The following AHDC1 variants were observed in gnomAD, a reference collection of about 807,000 sequenced individuals.
AHDC1 encodes AT-hook DNA binding motif containing 1.
AHDC1 carries 7 observed loss-of-function variants against 87.9 expected under a neutral mutation model. The observed-to-expected ratio is 0.08, with a 90% CI of 0.05 to 0.15. AHDC1 has a LOEUF of 0.15. Ranked by LOEUF, AHDC1 falls within the 10% of genes least tolerant of loss-of-function variation. AHDC1 has a pLI of 1.00. For synonymous variants in AHDC1, 1,051 were observed against 1,006.8 expected (o/e 1.04, Z -0.83); for missense variants, 1,841 against 2,253.2 (o/e 0.82, Z 3.70).
intron 8 of AHDC1, among the ~76,000 whole-genome samples, chr1:27,541,689 G>C (rs2018929017): frequency 6.6e-6 from 1 of 151,344 alleles, no homozygotes; most frequent in African/African-American, 2.4e-5. Flanking sequence ...GAGTGCAGTG[G>C]TGTGATCTTG....
intron 8 of AHDC1, among the ~76,000 whole-genome samples, chr1:27,545,771 T>C (rs575693808): frequency 2.6e-5 from 4 of 152,050 alleles, no homozygotes; most frequent in Non-Finnish European, 4.4e-5. Flanking sequence ...TTTGCTTCAT[T>C]GTCTCTGCCA....
chr1:27,588,914 G>C (rs1235250601), intron 3 of AHDC1, among the ~76,000 whole-genome samples: 1 of 152,076 alleles, frequency 6.6e-6, no homozygotes, highest in African/African-American at 2.4e-5. Flanking sequence ...GATTGAGAAA[G>C]ACAAGAGGGA....
In AHDC1 at chr1:27,551,206, C is replaced by T; in HGVS notation, c.910G>A (p.Ala304Thr). The T allele has an allele frequency of 6.2e-7, 1 of 1,610,152 alleles. No individual in the cohort carries two copies. Among genetic ancestry groups the T allele is most frequent in the Non-Finnish European group, 8.5e-7 (1 of 1,179,588 alleles). The change falls in exon 8 of 9, where the codon GCT becomes ACT. Residue 304 changes from alanine to threonine, a missense_variant. Physicochemically the swap from Ala to Thr is moderately conservative, Grantham distance 58. Transcript: ENST00000673934. Reference protein sequence around the residue: ...ALELPPLQPLADPLGLPGLAL... With the variant: ...ALELPPLQPLTDPLGLPGLAL... The stretch of plus-strand genomic sequence containing the variant: ...AGGCCCGGCAGCCCCAGAGGATCAG[C>T]AAGAGGTTGCAGGGGTGGCAGCTCC...
intron 3 of AHDC1, among the ~76,000 whole-genome samples, chr1:27,571,701 C>T (rs866693396): frequency 6.6e-6 from 1 of 152,216 alleles, no homozygotes. Flanking sequence ...TCACCCAAGC[C>T]CTGGGGCTGG....
chr1:27,567,735 T>C (rs903043971), intron 3 of AHDC1, among the ~76,000 whole-genome samples: 1 of 152,110 alleles, frequency 6.6e-6, no homozygotes, highest in African/African-American at 2.4e-5. Context: ...CCCACAATAC[T>C]CCTTGTAGCC....
intron 3 of AHDC1, among the ~76,000 whole-genome samples, chr1:27,584,832 T>C (rs563805175): frequency 2.0e-5 from 3 of 152,210 alleles, no homozygotes; most frequent in African/African-American, 7.2e-5. Flanking sequence ...CAGAGATGCC[T>C]TATCCCCCAG....
Position 27,598,034 on chromosome 1 carries a change from C to G in AHDC1, c.-629+5363G>C, listed in dbSNP as rs1031452853. Among the ~76,000 whole-genome samples the G allele has an allele frequency of 3.3e-5, 5 of 152,206 alleles. No homozygotes were observed. The highest frequency in any genetic ancestry group is 2.0e-4 in the Admixed American group (3 of 15,286). Reference sequence around the variant, plus strand: ...TCCATCTGTTTCACCACCCATCTGTCTGGCTGTCTGTGTTAGTCCTTCCAA... The same window carrying G: ...TCCATCTGTTTCACCACCCATCTGTGTGGCTGTCTGTGTTAGTCCTTCCAA... On this transcript the variant is annotated intron_variant, in intron 3 of 8. Transcript: ENST00000673934. This position sits in a 1 kb window ranked among gnomAD's most constrained non-coding sequence, Gnocchi z 4.2.
rs1224168462 is a variant in AHDC1, at chr1:27,558,107, C to T, written c.-225+198G>A. 1.3e-5 allele frequency among the ~76,000 whole-genome samples: 2 copies of T among 152,190 alleles called. No individual in the cohort carries two copies. Among genetic ancestry groups the T allele is most frequent in the Admixed American group, 6.5e-5 (1 of 15,286 alleles). ...TCAGCTCTAGGGAGCTTCCTGGAGC[C>T]GCAGGCTTCATGTGTCAGTTCAGGG... is the stretch of plus-strand genomic sequence containing the variant. On this transcript the variant is annotated intron_variant, in intron 5 of 8. Coordinates refer to ENST00000673934, the MANE Select transcript of AHDC1 (RefSeq NM_001371928.1). The surrounding 1 kb of genome is among the most constrained non-coding windows in gnomAD (Gnocchi z 5.6).
chr1:27,571,445 C>T (rs916144317), intron 3 of AHDC1, among the ~76,000 whole-genome samples: 7 of 152,060 alleles, frequency 4.6e-5, no homozygotes, highest in African/African-American at 1.7e-4. Flanking sequence ...GAGGAAGAAG[C>T]CAGGGCAGGA....
intron 3 of AHDC1, among the ~76,000 whole-genome samples, chr1:27,597,622 C>A (rs888608056): frequency 1.3e-5 from 2 of 152,052 alleles, no homozygotes; most frequent in African/African-American, 4.8e-5. Context: ...TCTCCCTGAC[C>A]TCTTTAGCAG....
At chr1:27,538,447 G>C (rs1253715573) in intron 8 of AHDC1, among the ~76,000 whole-genome samples, 1 of 148,062 alleles carries the variant, frequency 6.8e-6, no homozygotes, top group Non-Finnish European at 1.5e-5. Context: ...ATTAGAATTT[G>C]AGAGGCTGAT....
chr1:27,585,150 C>A (rs558520002), intron 3 of AHDC1, among the ~76,000 whole-genome samples: 1 of 150,628 alleles, frequency 6.6e-6, no homozygotes, highest in Non-Finnish European at 1.5e-5. Context: ...GTAGTCCCAG[C>A]TACTTGAGAA....
rs1004332457 is a variant in AHDC1 at position 27,550,974 on chromosome 1, T to C, written c.1142A>G (p.Lys381Arg). The part of the protein sequence containing the change: ...HGPPGPEGHP[K>R]YALRRTDRPK... ...CCTATCAGTGCGCCGCAAGGCGTAC[T>C]TGGGGTGACCCTCAGGCCCGGGGGG... The change falls in exon 8 of 9, where the codon AAG (lysine) becomes AGG (arginine). Residue 381 changes from lysine to arginine, a missense_variant. Around this residue, in one of 13 missense-constraint regions of AHDC1, gnomAD observed 370 missense variants for 391.5 expected, o/e 0.95. Transcript: ENST00000673934. 2 of 1,593,150 alleles carry C rather than the reference T, an allele frequency of 1.3e-6. No homozygotes were observed. The highest frequency in any genetic ancestry group is 1.7e-6 in the Non-Finnish European group (2 of 1,176,060).
rs1181166131 is a variant in AHDC1 at position 27,563,960 on chromosome 1, C to G, written c.-628-5077G>C. Among the ~76,000 whole-genome samples the G allele has an allele frequency of 6.6e-6, 1 of 152,090 alleles. No homozygotes were observed. Among genetic ancestry groups the G allele is most frequent in the African/African-American group, 2.4e-5 (1 of 41,406 alleles). ...CTGAGGCGCTGTTACTATGAGACTG[C>G]TTAGAGATCAGTGGGGAGTAGGGCG... On this transcript the variant is annotated intron_variant, in intron 3 of 8. Coordinates refer to ENST00000673934, the MANE Select transcript of AHDC1 (RefSeq NM_001371928.1). The surrounding 1 kb of genome is among the most constrained non-coding windows in gnomAD (Gnocchi z 6.1).
chr1:27,596,977 G>T (rs575482275), intron 3 of AHDC1, among the ~76,000 whole-genome samples: 60 of 152,272 alleles, frequency 3.9e-4, no homozygotes, highest in African/African-American at 1.4e-3. Context: ...GCACATGCAA[G>T]CACATGTTTA....
At position 27,548,981 on chromosome 1, in the gene AHDC1, G is replaced by T. The variant is rs1571231641; in HGVS notation, c.3135C>A (p.Pro1045=). Residue 1045 remains proline (P), a synonymous_variant, in exon 8 of 9, where the codon CCC becomes CCA. Coordinates refer to ENST00000673934, the MANE Select transcript of AHDC1 (RefSeq NM_001371928.1). ...GGGGCGTGGGGGCTGAACCAGAGAA[G>T]GGGGCCCCCTCAGAGCTGCTGAAGA... ...ASFFSSSEGA[P]FSGSAPTPLR... 2 of 1,565,104 alleles carry T rather than the reference G, an allele frequency of 1.3e-6. No individual in the cohort carries two copies. Among genetic ancestry groups the T allele is most frequent in the Non-Finnish European group, 1.7e-6 (2 of 1,154,168 alleles).
At chr1:27,594,297 C>T (rs2089305583) in intron 3 of AHDC1, among the ~76,000 whole-genome samples, 1 of 152,198 alleles carries the variant, frequency 6.6e-6, no homozygotes, top group Non-Finnish European at 1.5e-5. Flanking sequence ...CCTGAAGCCC[C>T]AGGCCCCATG....
rs774528190 is a variant in AHDC1, at chr1:27,551,838, G to A, written c.278C>T (p.Ser93Leu). 1 of 1,611,434 alleles carries A rather than the reference G, an allele frequency of 6.2e-7. No homozygotes were observed. The highest frequency in any genetic ancestry group is 1.7e-5 in the Admixed American group (1 of 59,966). ...GACCGGTGTGGGGCAGCGGGCCTGT[G>A]AGACAGGACGGGCTGCCCGTGGGGG... The part of the protein sequence containing the change: ...PLPPRAARPV[S>L]QARCPTPVGD... The change falls in exon 8 of 9, where the codon TCA becomes TTA. Residue 93 changes from serine to leucine, a missense_variant. By Grantham distance (145) the Ser-to-Leu change is moderately radical. This residue lies in a region of AHDC1 where 142 missense variants were observed against 165.6 expected (regional missense o/e 0.86). Coordinates refer to ENST00000673934, the MANE Select transcript of AHDC1 (RefSeq NM_001371928.1).
chr1:27,578,588 CA>C (rs1003583245), intron 3 of AHDC1, among the ~76,000 whole-genome samples: 69 of 139,534 alleles, frequency 4.9e-4, no homozygotes, highest in Admixed American at 9.3e-4. Context: ...GACTCCCTCT[CA>C]AAAAAAAAAA....
Sources: allele counts gnomAD v4.1 joint callset (sites outside exome capture counted in the v4.1 genomes callset), GRCh38; gene constraint gnomAD v4.1.1; regional missense constraint gnomAD v4.1.1; non-coding constraint Gnocchi (gnomAD v3.1); transcripts MANE v1.5; gene names NCBI Gene and HGNC (gene_info 2026-07-23, HGNC 2026-07-21).